Variants in SGCZ observed in about 807,000 individuals in gnomAD.
SGCZ encodes zeta-sarcoglycan.
Under a neutral mutation model 41.3 loss-of-function variants are expected in SGCZ, and 40 were observed. The ratio of observed to expected loss-of-function variants is 0.97; its 90% CI spans 0.75 to 1.26. The LOEUF is 1.26. Ranked by LOEUF, SGCZ falls within the 50% of genes most tolerant of loss-of-function variation. The pLI is 0.00. For synonymous variants in SGCZ, 206 were observed against 137.5 expected (o/e 1.50, Z -3.49); for missense variants, 552 against 369.8 (o/e 1.49, Z -4.04).
chr8:14,273,944 A>C (rs1040790028), intron 3 of SGCZ, among the ~76,000 whole-genome samples: 1 of 152,178 alleles, frequency 6.6e-6, no homozygotes, highest in Admixed American at 6.5e-5. Context: ...TTTAGCAAAC[A>C]TACCTACAAA....
intron 1 of SGCZ, among the ~76,000 whole-genome samples, chr8:15,205,341 A>G (rs1436106534): frequency 6.6e-6 from 1 of 152,160 alleles, no homozygotes; most frequent in East Asian, 1.9e-4. Context: ...GGGAGAAAAT[A>G]TTTGCAAACT....
At chr8:14,293,475 T>C (rs1423536930) in intron 3 of SGCZ, among the ~76,000 whole-genome samples, 4 of 151,970 alleles carry the variant, frequency 2.6e-5, no homozygotes, top group Admixed American at 6.6e-5. Context: ...CATTAACATA[T>C]AGCATTACAC....
chr8:14,951,908 C>T (rs932597325), intron 1 of SGCZ, among the ~76,000 whole-genome samples: 5 of 152,084 alleles, frequency 3.3e-5, no homozygotes, highest in African/African-American at 9.6e-5. Flanking sequence ...CAAACAAATA[C>T]CATTTGCTTG....
rs369001644 is a variant in SGCZ, at chr8:14,212,664, G to A, written c.424+24928C>T. 9.2e-5 allele frequency among the ~76,000 whole-genome samples: 14 copies of A among 151,914 alleles called. No homozygotes were observed. In the East Asian group the frequency reaches 1.4e-3, roughly 15 times the overall value. On this transcript the variant is annotated intron_variant, in intron 4 of 7. Transcript: ENST00000382080. The stretch of plus-strand genomic sequence containing the variant: ...ATGTCCAAGATGCAATTTAAAATTT[G>A]AAAATTACTCATCATAGCAAGAAGA...
chr8:15,128,634 A>C (rs1807790170), intron 1 of SGCZ, among the ~76,000 whole-genome samples: 1 of 152,192 alleles, frequency 6.6e-6, no homozygotes, highest in Admixed American at 6.5e-5. Context: ...ATACAGTATA[A>C]GTTAATAAAT....
chr8:14,983,400 G>C (rs1212361654), intron 1 of SGCZ, among the ~76,000 whole-genome samples: 1 of 151,616 alleles, frequency 6.6e-6, no homozygotes, highest in Non-Finnish European at 1.5e-5. Context: ...ATTTTTTGGA[G>C]ACAAAGTCTC....
intron 2 of SGCZ, among the ~76,000 whole-genome samples, chr8:14,553,216 T>A (rs951142226): frequency 6.6e-6 from 1 of 152,008 alleles, no homozygotes; most frequent in East Asian, 1.9e-4. Context: ...GAGTTGTTGA[T>A]ATTTGTGTCA....
At chr8:14,537,018 A>C (rs1803317221) in intron 2 of SGCZ, among the ~76,000 whole-genome samples, 2 of 151,948 alleles carry the variant, frequency 1.3e-5, no homozygotes, top group Admixed American at 6.6e-5. Flanking sequence ...TGCATGAGTT[A>C]TGATTTTAAC....
intron 2 of SGCZ, among the ~76,000 whole-genome samples, chr8:14,540,217 T>C (rs1803417930): frequency 8.3e-6 from 1 of 120,432 alleles, no homozygotes; most frequent in Non-Finnish European, 1.7e-5. Context: ...TTTTCTCTGC[T>C]TAATTTTTTT....
chr8:15,222,445 A>G lies in SGCZ; in HGVS notation c.39+15140T>C, dbSNP rs1209046422. 1.7e-4 allele frequency among the ~76,000 whole-genome samples: 25 copies of G among 144,826 alleles called. No homozygotes were observed. In the Admixed American group the frequency reaches 1.9e-3, roughly 11 times the overall value. ...GTCATGGAAAATATTCCTGCCTATGAAAAAAAAACACCCCTGGAAGGACCT... is the reference window on the plus strand; with the variant it reads ...GTCATGGAAAATATTCCTGCCTATGGAAAAAAAACACCCCTGGAAGGACCT... On this transcript the variant is annotated intron_variant, in intron 1 of 7. Coordinates refer to ENST00000382080, the MANE Select transcript of SGCZ (RefSeq NM_139167.4).
chr8:14,557,368 C>T (rs1175949716), intron 1 of SGCZ, among the ~76,000 whole-genome samples: 1 of 151,834 alleles, frequency 6.6e-6, no homozygotes, highest in Non-Finnish European at 1.5e-5. Flanking sequence ...TTTTCTCCCA[C>T]CCTGTGGGTT....
chr8:14,728,442 CT>C (rs1810131058), intron 1 of SGCZ, among the ~76,000 whole-genome samples: 1 of 149,084 alleles, frequency 6.7e-6, no homozygotes, highest in Non-Finnish European at 1.5e-5. Context: ...ACAAAAATAT[CT>C]TTGACAATGA....
chr8:14,318,549 C>G (rs1284308429), intron 3 of SGCZ, among the ~76,000 whole-genome samples: 1 of 151,930 alleles, frequency 6.6e-6, no homozygotes, highest in African/African-American at 2.4e-5. Context: ...AAAAAGCAGA[C>G]AGTACATAGA....
At chr8:14,873,550 T>A (rs116274018) in intron 1 of SGCZ, among the ~76,000 whole-genome samples, 15 of 151,988 alleles carry the variant, frequency 9.9e-5, no homozygotes, top group Admixed American at 4.6e-4. Context: ...AGATCAAGAG[T>A]AGCCGTTACA....
chr8:14,194,119 G>C (rs1322507465), intron 4 of SGCZ, among the ~76,000 whole-genome samples: 1 of 151,712 alleles, frequency 6.6e-6, no homozygotes, highest in African/African-American at 2.4e-5. Context: ...TAATACGTAA[G>C]AGATTTATCC....
At chr8:15,120,463 T>C (rs887834649) in intron 1 of SGCZ, among the ~76,000 whole-genome samples, 10 of 152,222 alleles carry the variant, frequency 6.6e-5, no homozygotes, top group African/African-American at 2.4e-4. Context: ...AGTAGTTTAA[T>C]ACATACCATT....
chr8:14,354,088 T>A (rs1015275417), intron 2 of SGCZ, among the ~76,000 whole-genome samples: 2 of 152,048 alleles, frequency 1.3e-5, no homozygotes, highest in Non-Finnish European at 2.9e-5. Context: ...AGTATCTTTG[T>A]TTTTCGGGAA....
At chr8:14,429,063 C>T (rs1195447923) in intron 2 of SGCZ, among the ~76,000 whole-genome samples, 1 of 152,190 alleles carries the variant, frequency 6.6e-6, no homozygotes, top group Non-Finnish European at 1.5e-5. Flanking sequence ...GTTATACAAA[C>T]TTGGCACTGA....
intron 1 of SGCZ, among the ~76,000 whole-genome samples, chr8:14,964,755 C>G (rs557301081): frequency 6.6e-6 from 1 of 152,262 alleles, no homozygotes; most frequent in African/African-American, 2.4e-5. Context: ...GCAATTCTCA[C>G]AGAACTCTAC....
Sources: gnomAD v4.1 joint callset for allele counts (sites outside exome capture counted in the v4.1 genomes callset) on GRCh38, gnomAD v4.1.1 for gene constraint, MANE v1.5 for transcripts, NCBI Gene and HGNC (gene_info 2026-07-23, HGNC 2026-07-21) for gene names.